Variants in SYNE1 observed in about 807,000 individuals in gnomAD.
The protein encoded by SYNE1 is nesprin-1.
SYNE1 carries 616 observed loss-of-function variants against 1,111.0 expected under a neutral mutation model. The ratio of observed to expected loss-of-function variants is 0.55; its 90% CI spans 0.52 to 0.59. The LOEUF (loss-of-function observed/expected upper bound fraction) is 0.59. Ranked by LOEUF, SYNE1 falls within the 20% of genes least tolerant of loss-of-function variation. SYNE1 has a pLI of 0.00. For missense variants in SYNE1, 10,006 were observed against 10,417.0 expected, an observed-to-expected ratio of 0.96 and a Z score of 1.72; for synonymous variants, 3,855 against 3,825.8, an observed-to-expected ratio of 1.01 and a Z score of -0.28.
chr6:152,314,276 T>C (rs1407094761), intron 87 of SYNE1, among the ~76,000 whole-genome samples: 2 of 152,202 alleles, frequency 1.3e-5, no homozygotes, highest in Admixed American at 6.5e-5. Flanking sequence ...AGGATCTTTT[T>C]CTTATCTCTC....
At chr6:152,262,726 A>G (rs2092185406) in intron 100 of SYNE1, among the ~76,000 whole-genome samples, 1 of 151,806 alleles carries the variant, frequency 6.6e-6, no homozygotes, top group Non-Finnish European at 1.5e-5. Context: ...GTAGTACAGG[A>G]CACGGGAATG....
At chr6:152,145,378 C>T in intron 137 of SYNE1, 1 of 1,056,788 alleles carries the variant, frequency 9.5e-7, no homozygotes, top group Admixed American at 1.9e-5. Flanking sequence ...AAGGCTGTGC[C>T]TTAACATGCT....
At chr6:152,226,530 C>T (rs1482474099) in intron 115 of SYNE1, among the ~76,000 whole-genome samples, 2 of 152,164 alleles carry the variant, frequency 1.3e-5, no homozygotes, top group Non-Finnish European at 2.9e-5. Context: ...GATATGCATT[C>T]ATAATTGTCA....
chr6:152,503,257 A>G lies in SYNE1; in HGVS notation c.779-515T>C, dbSNP rs540105760. 2.3e-3 allele frequency among the ~76,000 whole-genome samples: 356 copies of G among 152,274 alleles called. 4 individuals carry two copies. Among genetic ancestry groups the G allele is most frequent in the Non-Finnish European group, 1.1e-3 (77 of 68,016 alleles). ...TCTGCCCCCACAAATTTCACTTTAG[A>G]AGAAAGGCAGATGCCTTATATTCAA... On this transcript the variant is annotated intron_variant, in intron 9 of 145. Transcript: ENST00000367255.
Position 152,139,993 on chromosome 6 carries a change from C to T in SYNE1, c.25415G>A (p.Ser8472Asn), listed in dbSNP as rs1438785913. The change falls in exon 140 of 146, where the codon AGC becomes AAC. Residue 8472 changes from serine to asparagine, a missense_variant. Physicochemically the swap from Ser to Asn is conservative, Grantham distance 46. This residue lies in a region of SYNE1 where 761 missense variants were observed against 795.5 expected (regional missense o/e 0.96). Coordinates refer to ENST00000367255, the MANE Select transcript of SYNE1 (RefSeq NM_182961.4). ...ELEQLQRLEL[S>N]TDIQTIELQI... ...GAGCTCGATGGTCTGGATGTCAGTG[C>T]TGAGTTCCAGACGCTGGAGCTGTTC... is the stretch of plus-strand genomic sequence containing the variant. 5.0e-6 allele frequency: 8 copies of T among 1,614,112 alleles called. No individual in the cohort carries two copies. Among genetic ancestry groups the T allele is most frequent in the South Asian group, 2.2e-5 (2 of 91,082 alleles).
intron 6 of SYNE1, 80 bp from the exon 7 acceptor site, chr6:152,511,183 G>T (rs2099082995): frequency 8.0e-7 from 1 of 1,246,652 alleles, no homozygotes; most frequent in Non-Finnish European, 1.2e-6. Flanking sequence ...TAGGCCTTTA[G>T]TAGACATCAA....
Position 152,330,391 on chromosome 6 carries a change from T to A in SYNE1, c.14294A>T (p.Gln4765Leu), listed in dbSNP as rs1348696325. The A allele has an allele frequency of 6.2e-7, 1 of 1,614,038 alleles. No individual in the cohort carries two copies. Among genetic ancestry groups the A allele is most frequent in the East Asian group, 2.2e-5 (1 of 44,898 alleles). Reference protein sequence around the residue: ...LVTLYHRLKRQTEQRVSLLED... With the variant: ...LVTLYHRLKRLTEQRVSLLED... ...TAATAAGCTAACCCTCTGTTCTGTT[T>A]GTCGCTTCAGCCTGTGATATAAGGT... The change falls in exon 78 of 146, where the codon CAA becomes CTA. Residue 4765 changes from glutamine to leucine, a missense_variant. Around this residue, in one of 7 missense-constraint regions of SYNE1, gnomAD observed 4,955 missense variants for 5,017.2 expected, o/e 0.99. Transcript: ENST00000367255.
At chr6:152,458,968 A>G in intron 21 of SYNE1, 38 bp from the exon 22 acceptor site, 1 of 1,592,166 alleles carries the variant, frequency 6.3e-7, no homozygotes, top group Non-Finnish European at 8.6e-7. Context: ...ATGAAAGACC[A>G]TTAAGTGCCA....
At chr6:152,526,338 A>G (rs1460305038) in intron 4 of SYNE1, among the ~76,000 whole-genome samples, 163 bp from the exon 5 acceptor site, 1 of 152,170 alleles carries the variant, frequency 6.6e-6, no homozygotes, top group Admixed American at 6.5e-5. Flanking sequence ...CCTTTCGATA[A>G]CTGTGAGAAG....
At chr6:152,160,960 A>G (rs2062363662) in intron 131 of SYNE1, among the ~76,000 whole-genome samples, 1 of 151,916 alleles carries the variant, frequency 6.6e-6, no homozygotes. Context: ...ATATACACAC[A>G]CATATGTGTA....
rs1406628218 is a variant in SYNE1 at position 152,442,374 on chromosome 6, C to A, written c.3838-129G>T. 4.8e-6 allele frequency: 5 copies of A among 1,048,758 alleles called. No individual in the cohort carries two copies. In the East Asian group the frequency reaches 1.0e-4, roughly 21 times the overall value. The allele number at this position is 1,048,758 out of a possible 1,614,324, so 65.0% of individuals were successfully genotyped here. A position where few individuals can be genotyped will look rare whatever the true frequency, so the allele number is the denominator to read the frequency against. On this transcript the variant is annotated intron_variant, in intron 30 of 145. Coordinates refer to ENST00000367255, the MANE Select transcript of SYNE1 (RefSeq NM_182961.4). ...AAATGTATTTTAAAGCTAAGATTAA[C>A]AGTTGAAATGGTAGTCGGTTGCTAT...
At chr6:152,343,303 C>G (rs2096570122) in intron 74 of SYNE1, among the ~76,000 whole-genome samples, 1 of 151,050 alleles carries the variant, frequency 6.6e-6, no homozygotes, top group Admixed American at 6.6e-5. Flanking sequence ...GGATTACAGG[C>G]GCCTGCCACC....
chr6:152,311,079 A>G, intron 87 of SYNE1: 1 of 623,280 alleles, frequency 1.6e-6, no homozygotes, highest in Non-Finnish European at 2.9e-6. Flanking sequence ...TAGGAACTGT[A>G]AACAATGTGC....
chr6:152,597,576 G>A (rs1453122246), intron 3 of SYNE1, among the ~76,000 whole-genome samples: 4 of 152,200 alleles, frequency 2.6e-5, no homozygotes, highest in Non-Finnish European at 5.9e-5. Flanking sequence ...ATAAACGGCT[G>A]TTGAATTGGA....
At chr6:152,277,168 G>T (rs2093684055) in intron 98 of SYNE1, among the ~76,000 whole-genome samples, 4 of 151,262 alleles carry the variant, frequency 2.6e-5, no homozygotes, top group South Asian at 4.2e-4. Context: ...GGGATTACAG[G>T]TGTGAGCCAC....
At chr6:152,456,453 A>G (rs1298727256) in intron 22 of SYNE1, among the ~76,000 whole-genome samples, 2 of 151,910 alleles carry the variant, frequency 1.3e-5, no homozygotes, top group East Asian at 3.9e-4. Flanking sequence ...AAACAAATTG[A>G]GCATCAATGC....
intron 112 of SYNE1, among the ~76,000 whole-genome samples, chr6:152,232,770 C>G (rs4870086): frequency 0.76 from 114,969 of 152,240 alleles, 44,094 homozygotes; most frequent in East Asian, 0.89. Context: ...CTGATATACA[C>G]TACTTACAAT....
intron 130 of SYNE1, among the ~76,000 whole-genome samples, chr6:152,170,549 C>T (rs1301205187): frequency 6.6e-6 from 1 of 152,190 alleles, no homozygotes; most frequent in African/African-American, 2.4e-5. Flanking sequence ...CAATGCATTC[C>T]TGATCCTTAC....
intron 54 of SYNE1, among the ~76,000 whole-genome samples, chr6:152,386,325 A>G (rs2097526295): frequency 6.6e-6 from 1 of 152,164 alleles, no homozygotes; most frequent in Non-Finnish European, 1.5e-5. Context: ...CCAGTCACAC[A>G]TTCAAAAGTG....
Sources: allele counts gnomAD v4.1 joint callset (sites outside exome capture counted in the v4.1 genomes callset), GRCh38; gene constraint gnomAD v4.1.1; regional missense constraint gnomAD v4.1.1; transcripts MANE v1.5; gene names NCBI Gene and HGNC (gene_info 2026-07-23, HGNC 2026-07-21).